Variants in INPP4A observed in about 807,000 individuals in gnomAD.
INPP4A encodes inositol polyphosphate-4-phosphatase, type I, 107kD.
In INPP4A, 33 loss-of-function variants were observed where a neutral mutation model predicts 119.8. The observed-to-expected ratio is 0.28, with a 90% CI of 0.21 to 0.37. The LOEUF (loss-of-function observed/expected upper bound fraction) is 0.37. Among genes scored for constraint, INPP4A ranks in the 10% least tolerant of loss-of-function variants. The pLI is 1.00. For synonymous variants in INPP4A, 496 were observed against 500.7 expected (o/e 0.99, Z 0.12); for missense variants, 956 against 1,289.9 (o/e 0.74, Z 3.97).
intron 22 of INPP4A, among the ~76,000 whole-genome samples, chr2:98,571,153 G>T (rs1183110620): frequency 6.6e-6 from 1 of 152,206 alleles, no homozygotes; most frequent in Non-Finnish European, 1.5e-5. Context: ...CAGCAGATTT[G>T]TCACATGCTC....
At chr2:98,557,802 A>T (rs558580074) in intron 16 of INPP4A, among the ~76,000 whole-genome samples, 1 of 152,332 alleles carries the variant, frequency 6.6e-6, no homozygotes, top group African/African-American at 2.4e-5. Context: ...AAAACCACAG[A>T]GGCTCCTCAA....
intron 24 of INPP4A, among the ~76,000 whole-genome samples, chr2:98,578,610 G>A (rs1698805637): frequency 6.6e-6 from 1 of 152,254 alleles, no homozygotes; most frequent in African/African-American, 2.4e-5. Context: ...CTGTCACTGA[G>A]CCCAGACCCG....
At chr2:98,491,704 G>A (rs564934951) in intron 1 of INPP4A, among the ~76,000 whole-genome samples, 6 of 152,132 alleles carry the variant, frequency 3.9e-5, no homozygotes, top group Non-Finnish European at 7.4e-5. Flanking sequence ...ACAATGGAGC[G>A]CAGGGAAATG....
chr2:98,539,718 C>T, intron 10 of INPP4A, 43 bp downstream of exon 10: 1 of 1,566,258 alleles, frequency 6.4e-7, no homozygotes, highest in Non-Finnish European at 8.6e-7. Flanking sequence ...ATACCCATGT[C>T]ATGTGCCCCT....
chr2:98,489,432 T>C (rs1680241971), intron 1 of INPP4A, among the ~76,000 whole-genome samples: 1 of 152,138 alleles, frequency 6.6e-6, no homozygotes, highest in African/African-American at 2.4e-5. Flanking sequence ...AGCCCTGGCT[T>C]GAACCTGTCC....
intron 4 of INPP4A, among the ~76,000 whole-genome samples, chr2:98,524,980 A>G (rs1221699977): frequency 6.6e-6 from 1 of 152,182 alleles, no homozygotes; most frequent in African/African-American, 2.4e-5. Flanking sequence ...TAGATTAGAA[A>G]TCCAGTGTGC....
Position 98,590,601 on chromosome 2 carries a change from C to G in INPP4A, c.*2993C>G, listed in dbSNP as rs1700331427. The G allele has an allele frequency of 2.5e-5, 5 of 201,432 alleles. No homozygotes were observed. In the South Asian group the frequency reaches 9.6e-4, roughly 38 times the overall value. The allele number at this position is 201,432 out of a possible 1,614,324, so 12.5% of individuals were successfully genotyped here. ...TGGATCACATCATCTCTGTGGGTAA[C>G]CCAGTCCTCGTTGTATGACTTGTCA... On this transcript the variant is annotated 3_prime_UTR_variant, in exon 25 of 25. Transcript: ENST00000409851.
intron 1 of INPP4A, among the ~76,000 whole-genome samples, chr2:98,506,701 C>T (rs145620127): frequency 4.3e-4 from 65 of 152,306 alleles, no homozygotes; most frequent in African/African-American, 1.4e-3. Flanking sequence ...GCAGCAGACA[C>T]TGTTGAAGTC....
intron 1 of INPP4A, among the ~76,000 whole-genome samples, chr2:98,455,941 G>C (rs972666987): frequency 6.6e-6 from 1 of 152,154 alleles, no homozygotes; most frequent in South Asian, 2.1e-4. Flanking sequence ...AGAGCGTCCC[G>C]TGCCTTTCCT....
chr2:98,512,873 C>G (rs1685393877), intron 1 of INPP4A, among the ~76,000 whole-genome samples: 1 of 152,214 alleles, frequency 6.6e-6, no homozygotes, highest in Non-Finnish European at 1.5e-5. Context: ...CCCAGGTCCC[C>G]TCCACCTTGT....
intron 24 of INPP4A, among the ~76,000 whole-genome samples, chr2:98,585,740 G>A (rs975566698): frequency 7.9e-5 from 12 of 152,310 alleles, no homozygotes; most frequent in African/African-American, 2.4e-4. Context: ...TGAAAACTAC[G>A]TTGAAATGAA....
intron 1 of INPP4A, among the ~76,000 whole-genome samples, chr2:98,455,013 C>T (rs1416277848): frequency 6.6e-6 from 1 of 152,040 alleles, no homozygotes; most frequent in Admixed American, 6.5e-5. Flanking sequence ...TTGACAGAAC[C>T]CAATGTTTTA....
intron 7 of INPP4A, among the ~76,000 whole-genome samples, chr2:98,536,820 G>C (rs1451752275): frequency 2.0e-5 from 3 of 152,214 alleles, no homozygotes; most frequent in Non-Finnish European, 4.4e-5. Context: ...TTAAGTCCCT[G>C]CAGTATTGAG....
chr2:98,513,794 C>T (rs1558980831), intron 1 of INPP4A, among the ~76,000 whole-genome samples: 1 of 152,262 alleles, frequency 6.6e-6, no homozygotes, highest in Non-Finnish European at 1.5e-5. Context: ...CCTGTCACCG[C>T]AGCCATTCTG....
intron 1 of INPP4A, among the ~76,000 whole-genome samples, chr2:98,481,659 C>T (rs1052877135): frequency 4.6e-5 from 7 of 152,158 alleles, no homozygotes; most frequent in Non-Finnish European, 5.9e-5. Flanking sequence ...TCCAAGTGAT[C>T]CAATGTGAGC....
At chr2:98,451,445 C>G (rs1035264709) in intron 1 of INPP4A, among the ~76,000 whole-genome samples, 1 of 152,064 alleles carries the variant, frequency 6.6e-6, no homozygotes, top group Non-Finnish European at 1.5e-5. Flanking sequence ...GGGTGGGGAC[C>G]TCTGAAAGAG....
intron 1 of INPP4A, among the ~76,000 whole-genome samples, chr2:98,475,462 G>A (rs988410447): frequency 6.6e-6 from 1 of 152,216 alleles, no homozygotes; most frequent in African/African-American, 2.4e-5. Context: ...CAACCAGGAT[G>A]ACAGATGAGG....
intron 1 of INPP4A, among the ~76,000 whole-genome samples, chr2:98,500,755 C>G (rs1228926289): frequency 1.3e-5 from 2 of 152,130 alleles, no homozygotes; most frequent in African/African-American, 4.8e-5. Context: ...GGTAGAGGAA[C>G]CTAATCAGAT....
chr2:98,514,128 A>G (rs181173493), intron 1 of INPP4A, among the ~76,000 whole-genome samples: 105 of 152,314 alleles, frequency 6.9e-4, no homozygotes, highest in Non-Finnish European at 6.8e-4. Context: ...TAGTAGAGCC[A>G]CTTCAGTGAA....
Sources: gnomAD v4.1 joint callset for allele counts (sites outside exome capture counted in the v4.1 genomes callset) on GRCh38, gnomAD v4.1.1 for gene constraint, MANE v1.5 for transcripts, NCBI Gene and HGNC (gene_info 2026-07-23, HGNC 2026-07-21) for gene names.